PHKB: variants seen among roughly 807,000 people sequenced by gnomAD.
The protein encoded by PHKB is phosphorylase b kinase regulatory subunit beta.
In PHKB, 122 loss-of-function variants were observed where a neutral mutation model predicts 152.1. The observed-to-expected ratio is 0.80, with a 90% CI of 0.69 to 0.93. The LOEUF is 0.93. PHKB is among the 40% of genes least tolerant of loss of function. PHKB has a pLI of 0.00. For synonymous variants in PHKB, 436 were observed against 464.9 expected (o/e 0.94, Z 0.80); for missense variants, 1,304 against 1,328.4 (o/e 0.98, Z 0.29).
chr16:47,580,570 A>G (rs1483399077), intron 8 of PHKB, among the ~76,000 whole-genome samples: 2 of 151,588 alleles, frequency 1.3e-5, no homozygotes, highest in Middle Eastern at 3.2e-3. Flanking sequence ...AAAAAAAAAA[A>G]AAAAAGAAAA....
At chr16:47,685,557 A>G (rs1169608114) in intron 26 of PHKB, among the ~76,000 whole-genome samples, 1 of 152,180 alleles carries the variant, frequency 6.6e-6, no homozygotes, top group African/African-American at 2.4e-5. Flanking sequence ...AAATGGATAA[A>G]ATGTCTTTGA....
At chr16:47,683,131 T>A (rs1340020009) in intron 26 of PHKB, among the ~76,000 whole-genome samples, 1 of 152,178 alleles carries the variant, frequency 6.6e-6, no homozygotes, top group Non-Finnish European at 1.5e-5. Flanking sequence ...GGAAGTTTTG[T>A]CTCAGAGGAG....
At chr16:47,557,144 A>G (rs919126851) in intron 7 of PHKB, among the ~76,000 whole-genome samples, 5 of 152,214 alleles carry the variant, frequency 3.3e-5, no homozygotes, top group Admixed American at 2.0e-4. Flanking sequence ...AGGATTCCCT[A>G]TTTAATAAAT....
intron 20 of PHKB, 71 bp from the exon 21 acceptor site, chr16:47,660,435 T>C: frequency 8.6e-7 from 1 of 1,157,690 alleles, no homozygotes; most frequent in Non-Finnish European, 1.3e-6. Context: ...TACAGAAAGG[T>C]ATGCACACAG....
chr16:47,566,804 G>A (rs1423235187), intron 7 of PHKB: 1 of 727,974 alleles, frequency 1.4e-6, no homozygotes, highest in Admixed American at 1.7e-5. Flanking sequence ...AAACATAAGT[G>A]CTTCCTCCAC....
Position 47,528,516 on chromosome 16 carries a change from G to A in PHKB, c.594+12915G>A, listed in dbSNP as rs1366533824. Among the ~76,000 whole-genome samples the A allele has an allele frequency of 1.1e-4, 17 of 151,872 alleles. No individual in the cohort carries two copies. In the East Asian group the frequency reaches 3.3e-3, roughly 29 times the overall value. ...GTATAATTTTATAAAAGTTGATGAT[G>A]TTAGTATGAATAAATCAAATTTTAA... On this transcript the variant is annotated intron_variant, in intron 6 of 30. Coordinates refer to ENST00000323584, the MANE Select transcript of PHKB (RefSeq NM_000293.3).
At position 47,467,944 on chromosome 16, in the gene PHKB, A is replaced by G. The variant is rs765766812; in HGVS notation, c.76+6518A>G. On this transcript the variant is annotated intron_variant, in intron 1 of 30. Coordinates refer to ENST00000323584, the MANE Select transcript of PHKB (RefSeq NM_000293.3). ...AAATGGGTATATGGTGGGCATTTCA[A>G]ATGTAACCGGAACAAAACAGAACTC... Among the ~76,000 whole-genome samples the G allele has an allele frequency of 2.0e-5, 3 of 152,176 alleles. 1 individual carries two copies. Among genetic ancestry groups the G allele is most frequent in the Admixed American group, 1.3e-4 (2 of 15,274 alleles).
At chr16:47,603,707 G>C (rs1482673453) in intron 13 of PHKB, among the ~76,000 whole-genome samples, 3 of 152,032 alleles carry the variant, frequency 2.0e-5, no homozygotes, top group Non-Finnish European at 4.4e-5. Flanking sequence ...GTTTCACCAT[G>C]TTGCCCAGGC....
At chr16:47,511,569 G>T in intron 4 of PHKB, 96 bp from the exon 5 acceptor site, 1 of 887,996 alleles carries the variant, frequency 1.1e-6, no homozygotes, top group Admixed American at 1.8e-5. Flanking sequence ...CCTTAGCTTT[G>T]TTCATTAAAA....
At chr16:47,547,261 T>G (rs1257638242) in intron 6 of PHKB, among the ~76,000 whole-genome samples, 172 bp from the exon 7 acceptor site, 3 of 152,130 alleles carry the variant, frequency 2.0e-5, no homozygotes, top group Admixed American at 2.0e-4. Context: ...TTTTTGTATT[T>G]TTTAGTAGAG....
intron 2 of PHKB, among the ~76,000 whole-genome samples, chr16:47,497,735 A>C (rs1031545260): frequency 2.0e-5 from 3 of 152,154 alleles, no homozygotes; most frequent in Non-Finnish European, 2.9e-5. Context: ...TGTTTTTTTA[A>C]TCTTCCTAAA....
At chr16:47,695,877 T>G (rs1974138338) in intron 28 of PHKB, among the ~76,000 whole-genome samples, 1 of 152,262 alleles carries the variant, frequency 6.6e-6, no homozygotes, top group African/African-American at 2.4e-5. Context: ...AGGAAATTCT[T>G]TTAGCGTCGC....
At chr16:47,528,186 A>G (rs1970799574) in intron 6 of PHKB, among the ~76,000 whole-genome samples, 1 of 152,236 alleles carries the variant, frequency 6.6e-6, no homozygotes, top group Non-Finnish European at 1.5e-5. Flanking sequence ...ATTAAATACT[A>G]AAGAGTAACA....
chr16:47,631,417 T>A (rs990199161), intron 14 of PHKB, among the ~76,000 whole-genome samples: 2 of 152,216 alleles, frequency 1.3e-5, no homozygotes, highest in South Asian at 4.1e-4. Context: ...TGTCAAGATG[T>A]ATTAATTCCT....
chr16:47,616,842 A>G (rs975531669), intron 14 of PHKB, among the ~76,000 whole-genome samples: 2 of 151,770 alleles, frequency 1.3e-5, no homozygotes, highest in African/African-American at 4.8e-5. Flanking sequence ...ATTTACCCAC[A>G]TATTTATTGA....
intron 1 of PHKB, among the ~76,000 whole-genome samples, chr16:47,476,779 G>T (rs1198887458): frequency 6.6e-6 from 1 of 152,024 alleles, no homozygotes; most frequent in Non-Finnish European, 1.5e-5. Context: ...TTATGCCTAG[G>T]GCTTACTCCC....
chr16:47,643,319 G>GA (rs970043203), intron 16 of PHKB, among the ~76,000 whole-genome samples: 2 of 151,966 alleles, frequency 1.3e-5, no homozygotes, highest in Non-Finnish European at 2.9e-5. Flanking sequence ...GGTTTGACAG[G>GA]AAAAAAACAG....
chr16:47,481,847 G>A (rs1013842029), intron 1 of PHKB, among the ~76,000 whole-genome samples: 2 of 152,154 alleles, frequency 1.3e-5, no homozygotes, highest in African/African-American at 4.8e-5. Flanking sequence ...TTGCAGCCCA[G>A]TTCTTCCTGT....
intron 7 of PHKB, among the ~76,000 whole-genome samples, chr16:47,569,793 T>C (rs1971628050): frequency 6.6e-6 from 1 of 152,148 alleles, no homozygotes; most frequent in Non-Finnish European, 1.5e-5. Flanking sequence ...GGCTAATTTT[T>C]GTATTTTTAG....
Sources: allele counts gnomAD v4.1 joint callset (sites outside exome capture counted in the v4.1 genomes callset), GRCh38; gene constraint gnomAD v4.1.1; transcripts MANE v1.5; gene names NCBI Gene and HGNC (gene_info 2026-07-23, HGNC 2026-07-21).